CSMD3: variants seen among roughly 807,000 people sequenced by gnomAD.
The protein encoded by CSMD3 is CUB and Sushi multiple domains 3, also known as CUB and sushi domain-containing protein 3.
Under a neutral mutation model 435.2 loss-of-function variants are expected in CSMD3, and 177 were observed. The observed-to-expected ratio is 0.41, with a 90% CI of 0.36 to 0.46. The LOEUF (loss-of-function observed/expected upper bound fraction) is 0.46, where lower values mean the gene tolerates loss of function less well. Among genes scored for constraint, CSMD3 ranks in the 20% least tolerant of loss-of-function variants. The pLI is 0.34. For missense variants in CSMD3, 4,265 were observed against 4,504.6 expected, an observed-to-expected ratio of 0.95 and a Z score of 1.52; for synonymous variants, 1,656 against 1,520.5, an observed-to-expected ratio of 1.09 and a Z score of -2.07.
intron 27 of CSMD3, among the ~76,000 whole-genome samples, chr8:112,534,465 C>A (rs1825857206): frequency 6.6e-6 from 1 of 152,088 alleles, no homozygotes; most frequent in Non-Finnish European, 1.5e-5. Flanking sequence ...ATACACTCTC[C>A]CAAGACTAAA....
intron 57 of CSMD3, 90 bp downstream of exon 57, chr8:112,289,275 T>C (rs1819527674): frequency 9.5e-7 from 1 of 1,048,760 alleles, no homozygotes; most frequent in Non-Finnish European, 1.5e-6. Context: ...ATATTTTAAG[T>C]CTTTAGATTG....
At chr8:112,740,913 C>A (rs2077290876) in intron 13 of CSMD3, among the ~76,000 whole-genome samples, 1 of 151,894 alleles carries the variant, frequency 6.6e-6, no homozygotes, top group South Asian at 2.1e-4. Context: ...GGGAAAATCA[C>A]AGACTATAAA....
rs1051559634 is a variant in CSMD3 at position 112,312,294 on chromosome 8, G to T, written c.7697-1128C>A. ...TTTGAGAAGAAGTTTCGCTCTTGTTGCCCAGGCTGGAGTCCAATGGCGCTA... is the reference window on the plus strand; with the variant it reads ...TTTGAGAAGAAGTTTCGCTCTTGTTTCCCAGGCTGGAGTCCAATGGCGCTA... On this transcript the variant is annotated intron_variant, in intron 49 of 70. Transcript: ENST00000297405. Among the ~76,000 whole-genome samples the T allele has an allele frequency of 5.9e-5, 9 of 152,056 alleles. No homozygotes were observed. In the South Asian group the frequency reaches 6.2e-4, roughly 11 times the overall value.
At chr8:112,574,777 A>G (rs1829809961) in intron 23 of CSMD3, among the ~76,000 whole-genome samples, 1 of 151,930 alleles carries the variant, frequency 6.6e-6, no homozygotes, top group South Asian at 2.1e-4. Flanking sequence ...ATGGAGTTTC[A>G]TGGGCTTCTT....
chr8:112,890,557 T>C (rs989966344), intron 10 of CSMD3, among the ~76,000 whole-genome samples: 3 of 151,694 alleles, frequency 2.0e-5, no homozygotes, highest in African/African-American at 7.3e-5. Flanking sequence ...GAATTCAAGA[T>C]GGTACTCAAT....
At chr8:113,346,867 G>A (rs1374730799) in intron 1 of CSMD3, among the ~76,000 whole-genome samples, 1 of 151,872 alleles carries the variant, frequency 6.6e-6, no homozygotes, top group African/African-American at 2.4e-5. Flanking sequence ...TACAGATTTG[G>A]GGTACCAATG....
chr8:112,615,583 G>A (rs1039132138), intron 22 of CSMD3, among the ~76,000 whole-genome samples: 2 of 151,986 alleles, frequency 1.3e-5, no homozygotes, highest in East Asian at 3.9e-4. Flanking sequence ...TATAGAATAC[G>A]CCTACATCAT....
chr8:113,299,228 AAT>A (rs1402033599), intron 2 of CSMD3, among the ~76,000 whole-genome samples: 1 of 152,184 alleles, frequency 6.6e-6, no homozygotes, highest in African/African-American at 2.4e-5. Flanking sequence ...CATTCTTAGT[AAT>A]ATCTTATTTT....
Position 112,503,988 on chromosome 8 carries a change from A to G in CSMD3, c.4896-11T>C, listed in dbSNP as rs1376114636. The G allele has an allele frequency of 6.5e-7, 1 of 1,528,460 alleles. No individual in the cohort carries two copies. Among genetic ancestry groups the G allele is most frequent in the Middle Eastern group, 1.7e-4 (1 of 5,892 alleles). 94.7% of individuals were successfully genotyped at this position (1,528,460 alleles called of 1,614,324 possible). A position where few individuals can be genotyped will look rare whatever the true frequency, so the allele number is the denominator to read the frequency against. On this transcript the variant is annotated splice_polypyrimidine_tract_variant and intron_variant, in intron 29 of 70. Coordinates refer to ENST00000297405, the MANE Select transcript of CSMD3 (RefSeq NM_198123.2). ...GGTTCTATGCTAAAACTGAAAAAAA[A>G]AAGGAAAGAACAAAAGAAAGAAAGA...
chr8:112,977,743 T>A (rs1397718501), intron 6 of CSMD3, among the ~76,000 whole-genome samples: 2 of 152,126 alleles, frequency 1.3e-5, no homozygotes, highest in Admixed American at 6.6e-5. Flanking sequence ...AATATTTTAA[T>A]GTTTTTAAGC....
At chr8:112,420,630 T>A (rs1483170413) in intron 32 of CSMD3, among the ~76,000 whole-genome samples, 1 of 152,170 alleles carries the variant, frequency 6.6e-6, no homozygotes, top group Admixed American at 6.6e-5. Context: ...AAAATGAGTC[T>A]TTTAAAGCAG....
intron 61 of CSMD3, among the ~76,000 whole-genome samples, chr8:112,259,556 T>A (rs981628816): frequency 1.3e-5 from 2 of 152,130 alleles, no homozygotes; most frequent in Non-Finnish European, 2.9e-5. Flanking sequence ...AAACTGCACG[T>A]TCTTCACCTG....
chr8:112,401,464 G>A (rs908072071), intron 35 of CSMD3, among the ~76,000 whole-genome samples: 9 of 151,978 alleles, frequency 5.9e-5, no homozygotes, highest in East Asian at 1.9e-4. Flanking sequence ...TGGATAATGT[G>A]ATGTTTAAAT....
intron 61 of CSMD3, among the ~76,000 whole-genome samples, chr8:112,260,299 G>A (rs1816255356): frequency 6.6e-6 from 1 of 152,010 alleles, no homozygotes; most frequent in Non-Finnish European, 1.5e-5. Context: ...TAGGCCTTAT[G>A]ACAATGTAGC....
At position 112,644,649 on chromosome 8, in the gene CSMD3, T is replaced by C. The variant is rs73338516; in HGVS notation, c.3310+460A>G. Among the ~76,000 whole-genome samples the C allele has an allele frequency of 5.8e-3, 890 of 152,196 alleles. 4 individuals carry two copies. Among genetic ancestry groups the C allele is most frequent in the African/African-American group, 0.02 (842 of 41,562 alleles). On this transcript the variant is annotated intron_variant, in intron 20 of 70. Coordinates refer to ENST00000297405, the MANE Select transcript of CSMD3 (RefSeq NM_198123.2). Reference sequence around the variant, plus strand: ...ATCTGAGACACAGATATTTATAGAATGGCTATAAATTTATATAGAGAATAT... The same window carrying C: ...ATCTGAGACACAGATATTTATAGAACGGCTATAAATTTATATAGAGAATAT...
intron 13 of CSMD3, among the ~76,000 whole-genome samples, chr8:112,729,436 T>C (rs1314930896): frequency 6.6e-6 from 1 of 152,094 alleles, no homozygotes; most frequent in East Asian, 1.9e-4. Context: ...TATAAGCAAT[T>C]TGAAATTGTA....
chr8:112,964,572 A>C (rs888229597), intron 7 of CSMD3, among the ~76,000 whole-genome samples: 1 of 151,976 alleles, frequency 6.6e-6, no homozygotes, highest in African/African-American at 2.4e-5. Flanking sequence ...TGAAATTCAA[A>C]TAATCATCTA....
intron 24 of CSMD3, among the ~76,000 whole-genome samples, chr8:112,568,531 A>G (rs1254439283): frequency 6.6e-6 from 1 of 151,594 alleles, no homozygotes; most frequent in African/African-American, 2.4e-5. Context: ...GAAGACAGAG[A>G]TTCCAGCCTG....
At chr8:112,309,373 G>A (rs1821741148) in intron 50 of CSMD3, among the ~76,000 whole-genome samples, 1 of 151,696 alleles carries the variant, frequency 6.6e-6, no homozygotes, top group African/African-American at 2.4e-5. Flanking sequence ...CAATCATTAT[G>A]TAACTAAAAT....
Sources: gnomAD v4.1 joint callset for allele counts (sites outside exome capture counted in the v4.1 genomes callset) on GRCh38, gnomAD v4.1.1 for gene constraint, MANE v1.5 for transcripts, NCBI Gene and HGNC (gene_info 2026-07-23, HGNC 2026-07-21) for gene names.